Variants in UNC13C observed in about 807,000 individuals in gnomAD.
UNC13C encodes the protein unc-13 homolog C.
UNC13C carries 174 observed loss-of-function variants against 245.4 expected under a neutral mutation model. The ratio of observed to expected loss-of-function variants is 0.71; its 90% CI spans 0.63 to 0.80. The LOEUF is 0.80. Ranked by LOEUF, UNC13C falls within the 30% of genes least tolerant of loss-of-function variation. The pLI is 0.00. For synonymous variants in UNC13C, 992 were observed against 895.1 expected (o/e 1.11, Z -1.93); for missense variants, 2,829 against 2,602.9 (o/e 1.09, Z -1.89).
At chr15:54,090,653 T>C (rs970165245) in intron 2 of UNC13C, among the ~76,000 whole-genome samples, 3 of 152,162 alleles carry the variant, frequency 2.0e-5, no homozygotes, top group African/African-American at 7.2e-5. Context: ...CATTGTAATA[T>C]TTCAAAATAT....
intron 17 of UNC13C, among the ~76,000 whole-genome samples, chr15:54,384,278 C>A (rs1360071666): frequency 6.6e-6 from 1 of 152,070 alleles, no homozygotes; most frequent in African/African-American, 2.4e-5. Flanking sequence ...GCTATTGTAA[C>A]CATGACAGCA....
At chr15:53,892,077 A>G in the UNC13C span, among the ~76,000 whole-genome samples, 2 of 152,198 alleles carry the variant, frequency 1.3e-5, no homozygotes, top group East Asian at 3.9e-4. Flanking sequence ...CCAGGTGGTG[A>G]CAAAATCTCT....
At chr15:54,384,969 A>G (rs1327214722) in intron 17 of UNC13C, among the ~76,000 whole-genome samples, 3 of 152,162 alleles carry the variant, frequency 2.0e-5, no homozygotes, top group African/African-American at 7.2e-5. Context: ...ACATCACTTT[A>G]CTCCAGTTAG....
At chr15:54,409,357 G>A (rs986278660) in intron 18 of UNC13C, among the ~76,000 whole-genome samples, 3 of 151,814 alleles carry the variant, frequency 2.0e-5, no homozygotes, top group Admixed American at 1.3e-4. Flanking sequence ...TTTAAATGGG[G>A]GTTTTTGTTT....
At chr15:53,849,618 C>T in the UNC13C span, among the ~76,000 whole-genome samples, 1 of 151,906 alleles carries the variant, frequency 6.6e-6, no homozygotes, top group Non-Finnish European at 1.5e-5. Context: ...AAAGCATTTT[C>T]AGACCAAAAA....
At chr15:54,254,160 TCTC>T (rs1299808467) in intron 8 of UNC13C, among the ~76,000 whole-genome samples, 1 of 152,214 alleles carries the variant, frequency 6.6e-6, no homozygotes, top group African/African-American at 2.4e-5. Flanking sequence ...AGATATTGAT[TCTC>T]CTTTCTTTGT....
At chr15:53,961,646 T>C in the UNC13C span, among the ~76,000 whole-genome samples, 1 of 152,228 alleles carries the variant, frequency 6.6e-6, no homozygotes, top group African/African-American at 2.4e-5. Flanking sequence ...GCTGAGAGCA[T>C]GTTAAATTGG....
At chr15:54,497,178 A>T (rs1893988944) in intron 20 of UNC13C, among the ~76,000 whole-genome samples, 1 of 152,088 alleles carries the variant, frequency 6.6e-6, no homozygotes, top group African/African-American at 2.4e-5. Flanking sequence ...TGGCCAACAA[A>T]AAAGGTAAAT....
chr15:54,375,302 T>A (rs1057127637), intron 17 of UNC13C, among the ~76,000 whole-genome samples: 84 of 152,214 alleles, frequency 5.5e-4, no homozygotes, highest in African/African-American at 1.9e-3. Context: ...TTGGATTTTT[T>A]AATATCATTT....
intron 2 of UNC13C, among the ~76,000 whole-genome samples, chr15:54,088,487 C>T (rs201442771): frequency 1.3e-5 from 2 of 152,118 alleles, no homozygotes; most frequent in Non-Finnish European, 2.9e-5. Context: ...CATCGGATGG[C>T]GGTTCTGCTG....
chr15:53,918,838 G>T, the UNC13C span, among the ~76,000 whole-genome samples: 25 of 152,214 alleles, frequency 1.6e-4, 1 homozygote, highest in Non-Finnish European at 2.6e-4. Context: ...TCATGGGCTT[G>T]TGAATATGTT....
At chr15:54,294,453 A>G (rs1409522398) in intron 11 of UNC13C, among the ~76,000 whole-genome samples, 1 of 152,150 alleles carries the variant, frequency 6.6e-6, no homozygotes, top group African/African-American at 2.4e-5. Context: ...TTGGCAATGA[A>G]GGAAAAATGT....
At chr15:54,123,144 G>T (rs1003713734) in intron 2 of UNC13C, among the ~76,000 whole-genome samples, 1 of 151,828 alleles carries the variant, frequency 6.6e-6, no homozygotes, top group Non-Finnish European at 1.5e-5. Context: ...CTATTTTAAA[G>T]TATTTGTCAT....
At chr15:53,897,093 T>A in the UNC13C span, among the ~76,000 whole-genome samples, 1 of 152,230 alleles carries the variant, frequency 6.6e-6, no homozygotes, top group African/African-American at 2.4e-5. Context: ...CCTCACTTCA[T>A]AATACCTTAT....
Position 54,627,182 on chromosome 15 carries a change from G to C in UNC13C, c.*69G>C. 2.1e-6 allele frequency: 3 copies of C among 1,439,036 alleles called. No homozygotes were observed. The highest frequency in any genetic ancestry group is 2.8e-6 in the Non-Finnish European group (3 of 1,066,392). 89.1% of individuals were successfully genotyped at this position (1,439,036 alleles called of 1,614,324 possible). A position where few individuals can be genotyped will look rare whatever the true frequency, so the allele number is the denominator to read the frequency against. The stretch of plus-strand genomic sequence containing the variant: ...ACTGCATGCATGTGCAAATACATGG[G>C]AATGTTTAGTTCACTACATTTCAAT... On this transcript the variant is annotated 3_prime_UTR_variant, in exon 33 of 33. Coordinates refer to ENST00000260323, the MANE Select transcript of UNC13C (RefSeq NM_001080534.3).
At chr15:54,516,474 G>A (rs1894980511) in intron 24 of UNC13C, among the ~76,000 whole-genome samples, 1 of 152,090 alleles carries the variant, frequency 6.6e-6, no homozygotes, top group Admixed American at 6.5e-5. Flanking sequence ...CTGGTCTGGG[G>A]ACCATGCATT....
At chr15:53,984,247 C>T (rs2140950284) in intron 1 of UNC13C, among the ~76,000 whole-genome samples, 1 of 152,112 alleles carries the variant, frequency 6.6e-6, no homozygotes, top group Non-Finnish European at 1.5e-5. Flanking sequence ...CCAGCTTTAT[C>T]TCTTTTTCTA....
chr15:54,167,331 T>A (rs972542089), intron 4 of UNC13C, among the ~76,000 whole-genome samples: 3 of 151,050 alleles, frequency 2.0e-5, no homozygotes, highest in Non-Finnish European at 4.4e-5. Context: ...TGAAACCCCG[T>A]CTCTACTGAA....
chr15:54,070,273 G>C (rs1381405203), intron 2 of UNC13C, among the ~76,000 whole-genome samples: 1 of 152,154 alleles, frequency 6.6e-6, no homozygotes, highest in Non-Finnish European at 1.5e-5. Flanking sequence ...CAGAAATTCA[G>C]AAATACTTCA....
Sources: gnomAD v4.1 joint callset for allele counts (sites outside exome capture counted in the v4.1 genomes callset) on GRCh38, gnomAD v4.1.1 for gene constraint, MANE v1.5 for transcripts, NCBI Gene and HGNC (gene_info 2026-07-23, HGNC 2026-07-21) for gene names.